Variants in GLDC observed in about 807,000 individuals in gnomAD.
The protein encoded by GLDC is glycine dehydrogenase (decarboxylating), mitochondrial.
GLDC carries 104 observed loss-of-function variants against 121.3 expected under a neutral mutation model. That is an observed-to-expected ratio of 0.86 (90% CI 0.73 to 1.01). GLDC has a LOEUF of 1.01. Ranked by LOEUF, GLDC falls within the 50% of genes least tolerant of loss-of-function variation. GLDC has a pLI of 0.00. For missense variants in GLDC, 1,429 were observed against 1,306.6 expected, an observed-to-expected ratio of 1.09 and a Z score of -1.44; for synonymous variants, 546 against 480.6, an observed-to-expected ratio of 1.14 and a Z score of -1.78.
At chr9:6,586,796 A>G (rs1355116432) in intron 15 of GLDC, among the ~76,000 whole-genome samples, 1 of 152,212 alleles carries the variant, frequency 6.6e-6, no homozygotes, top group Non-Finnish European at 1.5e-5. Context: ...TTCGGCCATT[A>G]GAGATTTGCA....
chr9:6,540,515 G>T, intron 21 of GLDC: 1 of 260,988 alleles, frequency 3.8e-6, no homozygotes, highest in South Asian at 4.8e-5. Flanking sequence ...GTGTTGTATA[G>T]TCCTGATCCT....
chr9:6,622,146 C>CCACACACACA (rs1172687199), intron 2 of GLDC, among the ~76,000 whole-genome samples: 2 of 117,576 alleles, frequency 1.7e-5, no homozygotes, highest in Admixed American at 9.0e-5. Flanking sequence ...TCACCCTCCA[C>CCACACACACA]CACACACACA....
intron 12 of GLDC, 54 bp from the exon 13 acceptor site, chr9:6,588,756 C>T (rs911884206): frequency 9.9e-7 from 1 of 1,011,730 alleles, no homozygotes; most frequent in Non-Finnish European, 1.6e-6. Flanking sequence ...TGAGTCCATG[C>T]ACATCCTCCT....
chr9:6,587,596 T>A (rs1016869950), intron 14 of GLDC, among the ~76,000 whole-genome samples: 3 of 152,216 alleles, frequency 2.0e-5, no homozygotes, highest in Non-Finnish European at 4.4e-5. Context: ...GCTTCAGGTA[T>A]GGTTGGCATA....
At chr9:6,543,388 G>A (rs544506361) in intron 21 of GLDC, among the ~76,000 whole-genome samples, 1 of 152,112 alleles carries the variant, frequency 6.6e-6, no homozygotes, top group Non-Finnish European at 1.5e-5. Context: ...GAGACACAGT[G>A]GGGGAGGAGG....
In GLDC at chr9:6,533,165, A is replaced by G; in HGVS notation, c.2920-5T>C. 6.2e-7 allele frequency: 1 copy of G among 1,613,484 alleles called. No individual in the cohort carries two copies. The highest frequency in any genetic ancestry group is 8.5e-7 in the Non-Finnish European group (1 of 1,179,398). On this transcript the variant is annotated splice_region_variant and splice_polypyrimidine_tract_variant and intron_variant, in intron 24 of 24. Coordinates refer to ENST00000321612, the MANE Select transcript of GLDC (RefSeq NM_000170.3). ...GTTCTCTGGTTTCACGAAGGGCTGC[A>G]AAGGACAAAAGATGGAAATGCTGTG...
At position 6,556,196 on chromosome 9, in the gene GLDC, T is replaced by C. The variant is rs1377840004; in HGVS notation, c.2159A>G (p.His720Arg). The C allele has an allele frequency of 1.1e-5, 17 of 1,613,278 alleles. No homozygotes were observed. Among genetic ancestry groups the C allele is most frequent in the Admixed American group, 1.7e-5 (1 of 59,996 alleles). ...CCCGTCTAGGTAGACCTGTCCTCCA[T>C]GTTGATGGATGAGGTCACACACGTC... ...ISDVCDLIHQHGGQVYLDGAN... is the reference protein window; with the variant it reads ...ISDVCDLIHQRGGQVYLDGAN... The change falls in exon 18 of 25, where the codon CAT becomes CGT. Residue 720 changes from histidine (H) to arginine (R), a missense_variant. By Grantham distance (29) the His-to-Arg change is conservative (BLOSUM62 0). Coordinates refer to ENST00000321612, the MANE Select transcript of GLDC (RefSeq NM_000170.3).
intron 16 of GLDC, among the ~76,000 whole-genome samples, chr9:6,564,321 A>C (rs78982505): frequency 0.017 from 2,661 of 152,210 alleles, 71 homozygotes; most frequent in African/African-American, 0.061. Flanking sequence ...ATCAGGATGA[A>C]CTATGCAAGG....
At chr9:6,549,213 C>T (rs1354515326) in intron 21 of GLDC, among the ~76,000 whole-genome samples, 1 of 152,232 alleles carries the variant, frequency 6.6e-6, no homozygotes, top group Non-Finnish European at 1.5e-5. Flanking sequence ...CAGTGTCTCT[C>T]CTTATTATGC....
intron 2 of GLDC, among the ~76,000 whole-genome samples, chr9:6,631,563 C>A (rs117041327): frequency 2.2e-3 from 338 of 152,234 alleles, no homozygotes; most frequent in Non-Finnish European, 4.1e-3. Context: ...TAGTATTTAT[C>A]TGGAATACCA....
intron 2 of GLDC, among the ~76,000 whole-genome samples, chr9:6,632,675 G>T (rs1342374156): frequency 6.6e-6 from 1 of 152,160 alleles, no homozygotes; most frequent in African/African-American, 2.4e-5. Context: ...TCTAGCACGC[G>T]CCCCGGTTCA....
chr9:6,574,471 A>G (rs1818024888), intron 15 of GLDC, among the ~76,000 whole-genome samples: 1 of 151,928 alleles, frequency 6.6e-6, no homozygotes, highest in African/African-American at 2.4e-5. Flanking sequence ...CGTCTCAAAA[A>G]AAAAAACAAA....
At position 6,558,578 on chromosome 9, in the gene GLDC, G is replaced by C; in HGVS notation, c.2033C>G (p.Ala678Gly). The change falls in exon 17 of 25, where the codon GCA (alanine) becomes GGA (glycine). Residue 678 changes from alanine (A) to glycine (G), a missense_variant. Transcript: ENST00000321612. ...VEVDKYGNID[A>G]VHLKAMVDKH... ...AAGTACCATGGCCTTGAGGTGAACTGCATCGATATTCCCATATTTATCCAC... is the reference window on the plus strand; with the variant it reads ...AAGTACCATGGCCTTGAGGTGAACTCCATCGATATTCCCATATTTATCCAC... 6.2e-7 allele frequency: 1 copy of C among 1,614,148 alleles called. No homozygotes were observed. The highest frequency in any genetic ancestry group is 1.1e-5 in the South Asian group (1 of 91,080).
chr9:6,610,278 C>T lies in GLDC; in HGVS notation c.549G>A (p.Val183=), dbSNP rs371771891. 13 of 1,613,738 alleles carry T rather than the reference C, an allele frequency of 8.1e-6. No homozygotes were observed. The highest frequency in any genetic ancestry group is 1.1e-5 in the Non-Finnish European group (13 of 1,179,768). The change falls in exon 4 of 25, where the codon GTG becomes GTA. Residue 183 remains valine (V), a synonymous_variant. Coordinates refer to ENST00000321612, the MANE Select transcript of GLDC (RefSeq NM_000170.3). ...LESLLNYQTM[V]CDITGLDMAN... ...CCATGTCCAGGCCTGTGATGTCACA[C>T]ACCATGGTCTGGTAGTTGAGTAAAC...
intron 19 of GLDC, among the ~76,000 whole-genome samples, chr9:6,554,355 C>T (rs1817574595): frequency 6.6e-6 from 1 of 152,138 alleles, no homozygotes; most frequent in Admixed American, 6.5e-5. Flanking sequence ...CTTTCTAGTG[C>T]CAATATTCCA....
chr9:6,610,177 T>C lies in GLDC; in HGVS notation c.635+15A>G, dbSNP rs1220700081. 1.3e-6 allele frequency: 2 copies of C among 1,599,692 alleles called. No homozygotes were observed. The highest frequency in any genetic ancestry group is 1.7e-5 in the Admixed American group (1 of 57,852). ...GCCCACAACTGGAATTCCAGCACTTTGAGAGGCCTCTCACCTGTAGCACAG... is the reference window on the plus strand; with the variant it reads ...GCCCACAACTGGAATTCCAGCACTTCGAGAGGCCTCTCACCTGTAGCACAG... On this transcript the variant is annotated intron_variant, in intron 4 of 24. Coordinates refer to ENST00000321612, the MANE Select transcript of GLDC (RefSeq NM_000170.3).
chr9:6,551,387 T>C (rs997014625), intron 20 of GLDC, among the ~76,000 whole-genome samples: 1 of 152,200 alleles, frequency 6.6e-6, no homozygotes, highest in Non-Finnish European at 1.5e-5. Context: ...TAAAAACTGC[T>C]CAATCTTGTC....
chr9:6,553,767 A>G (rs1587922514), intron 19 of GLDC, among the ~76,000 whole-genome samples: 1 of 152,084 alleles, frequency 6.6e-6, no homozygotes, highest in Non-Finnish European at 1.5e-5. Flanking sequence ...GCAGGCAGCC[A>G]TAAAACAGTG....
intron 17 of GLDC, among the ~76,000 whole-genome samples, chr9:6,557,187 T>C (rs1181317760): frequency 6.6e-6 from 1 of 152,002 alleles, no homozygotes; most frequent in African/African-American, 2.4e-5. Flanking sequence ...AAAGAAATGA[T>C]ACATGCTTGA....
Sources: gnomAD v4.1 joint callset for allele counts (sites outside exome capture counted in the v4.1 genomes callset) on GRCh38, gnomAD v4.1.1 for gene constraint, MANE v1.5 for transcripts, NCBI Gene and HGNC (gene_info 2026-07-23, HGNC 2026-07-21) for gene names.